DR1: variants seen among roughly 807,000 people sequenced by gnomAD.
DR1 encodes the protein down-regulator of transcription 1.
In DR1, 7 loss-of-function variants were observed where a neutral mutation model predicts 19.9. That is an observed-to-expected ratio of 0.35 (90% CI 0.20 to 0.66). DR1 has a LOEUF of 0.66. Ranked by LOEUF, DR1 falls within the 30% of genes least tolerant of loss-of-function variation. DR1 has a pLI of 0.66. For synonymous variants in DR1, 76 were observed against 72.5 expected (o/e 1.05, Z -0.24); for missense variants, 98 against 203.7 (o/e 0.48, Z 3.16).
At chr1:93,348,772 T>G (rs1469261991) in intron 1 of DR1, among the ~76,000 whole-genome samples, 1 of 152,098 alleles carries the variant, frequency 6.6e-6, no homozygotes, top group Non-Finnish European at 1.5e-5. Context: ...TTTCTTGTAT[T>G]ATGCTATTCT....
At position 93,362,807 on chromosome 1, in the gene DR1, T is replaced by G. The variant is rs1667071856; in HGVS notation, c.*2168T>G. On this transcript the variant is annotated 3_prime_UTR_variant, in exon 3 of 3. Coordinates refer to ENST00000370272, the MANE Select transcript of DR1 (RefSeq NM_001938.3). ...CATAACAAAGCTTACTTATGCAATA[T>G]TTTATTTTTAGGTTTTTTCTTTTTT... 2 of 145,878 alleles carry G rather than the reference T, an allele frequency of 1.4e-5. No homozygotes were observed. The highest frequency in any genetic ancestry group is 1.4e-4 in the Admixed American group (2 of 14,054). The allele number at this position is 145,878 out of a possible 1,614,324, so 9.0% of individuals were successfully genotyped here.
intron 1 of DR1, among the ~76,000 whole-genome samples, chr1:93,348,900 G>C (rs1366931272): frequency 3.3e-5 from 5 of 152,028 alleles, no homozygotes; most frequent in Admixed American, 1.3e-4. Flanking sequence ...TGTTTTGAGA[G>C]ATTACATTTT....
In DR1 at chr1:93,367,539, C is replaced by G. The variant is rs1667181380; in HGVS notation, c.*6900C>G. The G allele has an allele frequency of 6.6e-6, 1 of 152,172 alleles. No individual in the cohort carries two copies. The highest frequency in any genetic ancestry group is 1.5e-5 in the Non-Finnish European group (1 of 68,040). 9.4% of individuals were successfully genotyped at this position (152,172 alleles called of 1,614,324 possible). A position where few individuals can be genotyped will look rare whatever the true frequency, so the allele number is the denominator to read the frequency against. On this transcript the variant is annotated 3_prime_UTR_variant, in exon 3 of 3. Transcript: ENST00000370272. ...ATGCCTTTTCATCACAGGGCGCACT[C>G]ACACGGCACACACACGCATACTGGG...
rs1467782775 is a variant in DR1 at position 93,361,421 on chromosome 1, C to A, written c.*782C>A. ...CAGTAATTGTTGATAGTATTACTTA[C>A]CTAGTCCATCCATACTCATATTATT... On this transcript the variant is annotated 3_prime_UTR_variant, in exon 3 of 3. Transcript: ENST00000370272. 2.6e-5 allele frequency: 4 copies of A among 152,450 alleles called. No individual in the cohort carries two copies. Among genetic ancestry groups the A allele is most frequent in the Non-Finnish European group, 5.9e-5 (4 of 67,950 alleles). 9.4% of individuals were successfully genotyped at this position (152,450 alleles called of 1,614,324 possible). A position where few individuals can be genotyped will look rare whatever the true frequency, so the allele number is the denominator to read the frequency against.
intron 1 of DR1, among the ~76,000 whole-genome samples, chr1:93,348,536 G>T (rs1666880826): frequency 6.6e-6 from 1 of 151,998 alleles, no homozygotes; most frequent in South Asian, 2.1e-4. Context: ...GGGGAGAGTT[G>T]ATTCTTTTCT....
At chr1:93,346,945 C>A in intron 1 of DR1, 80 bp downstream of exon 1, 1 of 1,222,838 alleles carries the variant, frequency 8.2e-7, no homozygotes, top group Non-Finnish European at 1.2e-6. Context: ...CGTGTCAAAG[C>A]CTCCATTCCT....
chr1:93,353,273 T>C (rs955976478), intron 1 of DR1, among the ~76,000 whole-genome samples: 1 of 152,186 alleles, frequency 6.6e-6, no homozygotes, highest in African/African-American at 2.4e-5. Flanking sequence ...CTTGTATCTT[T>C]ATAGTCTTTC....
chr1:93,352,922 TC>T, intron 1 of DR1, among the ~76,000 whole-genome samples: 1 of 141,768 alleles, frequency 7.1e-6, no homozygotes. Context: ...TGAAACAGGG[TC>T]TTGCTCTGTC....
chr1:93,357,050 G>C (rs533154615), intron 2 of DR1, among the ~76,000 whole-genome samples: 1 of 152,206 alleles, frequency 6.6e-6, no homozygotes, highest in South Asian at 2.1e-4. Context: ...AGCTCTGTTA[G>C]TTGGTTTTGA....
At chr1:93,352,926 G>A (rs1327502289) in intron 1 of DR1, among the ~76,000 whole-genome samples, 1 of 137,020 alleles carries the variant, frequency 7.3e-6, no homozygotes, top group African/African-American at 3.0e-5. Flanking sequence ...ACAGGGTCTT[G>A]CTCTGTCATC....
chr1:93,364,002 A>G lies in DR1; in HGVS notation c.*3363A>G, dbSNP rs1249708000. 6.6e-6 allele frequency: 1 copy of G among 152,218 alleles called. No individual in the cohort carries two copies. Among genetic ancestry groups the G allele is most frequent in the Non-Finnish European group, 1.5e-5 (1 of 68,034 alleles). The allele number at this position is 152,218 out of a possible 1,614,324, so 9.4% of individuals were successfully genotyped here. A position where few individuals can be genotyped will look rare whatever the true frequency, so the allele number is the denominator to read the frequency against. On this transcript the variant is annotated 3_prime_UTR_variant, in exon 3 of 3. Transcript: ENST00000370272. ...GTGAGTGTATACATTTCCATTGAGT[A>G]TAAACCTAAGAATGGAATTGCCAGG...
chr1:93,365,782 G>C lies in DR1; in HGVS notation c.*5143G>C, dbSNP rs1403104945. On this transcript the variant is annotated 3_prime_UTR_variant, in exon 3 of 3. Transcript: ENST00000370272. ...TTCACATCTGCTGATCCCTTTACCCGATAGGACCTAGAGCAGCCATTATAA... is the reference window on the plus strand; with the variant it reads ...TTCACATCTGCTGATCCCTTTACCCCATAGGACCTAGAGCAGCCATTATAA... 6.6e-6 allele frequency: 1 copy of C among 152,118 alleles called. No individual in the cohort carries two copies. The highest frequency in any genetic ancestry group is 6.5e-5 in the Admixed American group (1 of 15,272). The allele number at this position is 152,118 out of a possible 1,614,324, so 9.4% of individuals were successfully genotyped here. A position where few individuals can be genotyped will look rare whatever the true frequency, so the allele number is the denominator to read the frequency against.
chr1:93,348,206 A>T (rs1666875426), intron 1 of DR1, among the ~76,000 whole-genome samples: 1 of 151,662 alleles, frequency 6.6e-6, no homozygotes, highest in African/African-American at 2.4e-5. Flanking sequence ...AACTAGTACT[A>T]GTTTTTTTTT....
Position 93,361,837 on chromosome 1 carries a change from T to G in DR1, c.*1198T>G, listed in dbSNP as rs1667056371. On this transcript the variant is annotated 3_prime_UTR_variant, in exon 3 of 3. Coordinates refer to ENST00000370272, the MANE Select transcript of DR1 (RefSeq NM_001938.3). ...TTATCAGCCGTATATGGAACATAAA[T>G]AGTTTCTACCTGCTTGTTAGAGAAG... 6.6e-6 allele frequency: 1 copy of G among 152,540 alleles called. No homozygotes were observed. Among genetic ancestry groups the G allele is most frequent in the Non-Finnish European group, 1.5e-5 (1 of 67,926 alleles). 9.4% of individuals were successfully genotyped at this position (152,540 alleles called of 1,614,324 possible). A position where few individuals can be genotyped will look rare whatever the true frequency, so the allele number is the denominator to read the frequency against.
In DR1 at chr1:93,369,143, A is replaced by G. The variant is rs946657213; in HGVS notation, c.*8504A>G. On this transcript the variant is annotated 3_prime_UTR_variant, in exon 3 of 3. Coordinates refer to ENST00000370272, the MANE Select transcript of DR1 (RefSeq NM_001938.3). ...AATCCCTGGCGGATACCAAGGGATG[A>G]CTGTAATATAATAACATCTAACAAG... 15 of 152,152 alleles carry G rather than the reference A, an allele frequency of 9.9e-5. No homozygotes were observed. Among genetic ancestry groups the G allele is most frequent in the Admixed American group, 2.6e-4 (4 of 15,274 alleles). The allele number at this position is 152,152 out of a possible 1,614,324, so 9.4% of individuals were successfully genotyped here. A position where few individuals can be genotyped will look rare whatever the true frequency, so the allele number is the denominator to read the frequency against.
At chr1:93,358,081 C>G (rs1006092161) in intron 2 of DR1, among the ~76,000 whole-genome samples, 26 of 152,098 alleles carry the variant, frequency 1.7e-4, no homozygotes, top group African/African-American at 6.3e-4. Context: ...TGAGACCAAC[C>G]TGGGCAATAT....
At chr1:93,359,390 G>A (rs572291571) in intron 2 of DR1, among the ~76,000 whole-genome samples, 37 of 152,260 alleles carry the variant, frequency 2.4e-4, no homozygotes, top group African/African-American at 7.9e-4. Flanking sequence ...TGGAAAAAAA[G>A]GATATAAACT....
chr1:93,355,019 T>C (rs1418760754), intron 2 of DR1: 1 of 152,140 alleles, frequency 6.6e-6, no homozygotes, highest in Non-Finnish European at 1.5e-5. Flanking sequence ...GAAGCAGGCG[T>C]TAGTACATGC....
chr1:93,365,101 C>G lies in DR1; in HGVS notation c.*4462C>G, dbSNP rs866779088. 6.6e-6 allele frequency: 1 copy of G among 152,070 alleles called. No homozygotes were observed. Among genetic ancestry groups the G allele is most frequent in the African/African-American group, 2.4e-5 (1 of 41,406 alleles). The allele number at this position is 152,070 out of a possible 1,614,324, so 9.4% of individuals were successfully genotyped here. On this transcript the variant is annotated 3_prime_UTR_variant, in exon 3 of 3. Transcript: ENST00000370272. The stretch of plus-strand genomic sequence containing the variant: ...CTCGATCTCCTGACCTCGTGATCCA[C>G]CCGCCTTGGCCTCCCAAAGTGCTGG...
Sources: gnomAD v4.1 joint callset for allele counts (sites outside exome capture counted in the v4.1 genomes callset) on GRCh38, gnomAD v4.1.1 for gene constraint, MANE v1.5 for transcripts, NCBI Gene and HGNC (gene_info 2026-07-23, HGNC 2026-07-21) for gene names.